The following SFI1 variants were observed in gnomAD, a reference collection of about 807,000 sequenced individuals.
The protein encoded by SFI1 is protein SFI1 homolog.
A neutral mutation model predicts 207.5 loss-of-function variants in SFI1; 195 were observed. The observed-to-expected ratio is 0.94, with a 90% CI of 0.84 to 1.06. SFI1 has a LOEUF of 1.06. Ranked by LOEUF, SFI1 falls within the 50% of genes least tolerant of loss-of-function variation. The pLI, the probability that SFI1 is intolerant of heterozygous loss-of-function variation, is 0.00. For missense variants in SFI1, 1,634 were observed against 1,588.0 expected (o/e 1.03, Z -0.49); for synonymous variants, 630 against 598.9 (o/e 1.05, Z -0.76).
chr22:31,528,816 C>T lies in SFI1; in HGVS notation c.219C>T (p.Gly73=). ...PSTSHLVQYR[G]THTCTRQGRL... is the part of the protein sequence containing the mutation. The stretch of plus-strand genomic sequence containing the variant: ...CCAGTCATCTAGTGCAGTATCGTGG[C>T]ACACATACTTGTACCCGACAGGGCC... Residue 73 remains glycine, a synonymous_variant, in exon 3 of 33, where the codon GGC becomes GGT. Coordinates refer to ENST00000400288, the MANE Select transcript of SFI1 (RefSeq NM_001007467.3). The T allele has an allele frequency of 6.2e-7, 1 of 1,614,114 alleles. No individual in the cohort carries two copies. The highest frequency in any genetic ancestry group is 8.5e-7 in the Non-Finnish European group (1 of 1,179,990).
At chr22:31,570,323 GTCCAAGATGACT>G (rs1480942777) in intron 8 of SFI1, among the ~76,000 whole-genome samples, 1 of 152,114 alleles carries the variant, frequency 6.6e-6, no homozygotes, top group African/African-American at 2.4e-5. Flanking sequence ...AAGTTTTAGC[GTCCAAGATGACT>G]TCCAAGTTTT....
intron 1 of SFI1, among the ~76,000 whole-genome samples, chr22:31,503,130 C>T (rs1309034915): frequency 1.3e-5 from 2 of 149,806 alleles, no homozygotes; most frequent in Non-Finnish European, 3.0e-5. Context: ...CTTGTGAGTT[C>T]AGGGGCTTCA....
intron 2 of SFI1, among the ~76,000 whole-genome samples, chr22:31,519,582 G>A (rs1481334128): frequency 4.6e-5 from 7 of 151,728 alleles, no homozygotes; most frequent in Admixed American, 3.3e-4. Context: ...GATTACAGGC[G>A]TGTGCCACCA....
Position 31,613,178 on chromosome 22 carries a change from C to A in SFI1, c.2527C>A (p.Arg843=), listed in dbSNP as rs367957589. 6.2e-7 allele frequency: 1 copy of A among 1,613,596 alleles called. No homozygotes were observed. The highest frequency in any genetic ancestry group is 1.3e-5 in the African/African-American group (1 of 74,952). The change falls in exon 25 of 33, where the codon CGG becomes AGG. Residue 843 remains arginine, a synonymous_variant. Transcript: ENST00000400288. Reference sequence around the variant, plus strand: ...GAGGCAGGAGCAGCGGGCGACAGTGCGGGCCCTGTGGTTCTGGGCCTTCTC... The same window carrying A: ...GAGGCAGGAGCAGCGGGCGACAGTGAGGGCCCTGTGGTTCTGGGCCTTCTC... ...ARRQEQRATV[R]ALWFWAFSLQ...
intron 15 of SFI1, among the ~76,000 whole-genome samples, chr22:31,595,419 A>T (rs1477839723): frequency 6.6e-6 from 1 of 152,244 alleles, no homozygotes; most frequent in Non-Finnish European, 1.5e-5. Flanking sequence ...TTCATTAATA[A>T]TTTCCTTTTC....
At chr22:31,574,827 C>T (rs1276520657) in intron 9 of SFI1, among the ~76,000 whole-genome samples, 6 of 152,020 alleles carry the variant, frequency 3.9e-5, no homozygotes, top group Admixed American at 1.3e-4. Context: ...GAGGCTGAGG[C>T]GGGCGGATCA....
rs573166089 is a variant in SFI1, at chr22:31,549,521, C to T, written c.450-733C>T. ...CTGAGACTACAGGCACATGCTACTA[C>T]GAGTGGCTAATTTTTATATTTTTAG... On this transcript the variant is annotated intron_variant, in intron 5 of 32. Coordinates refer to ENST00000400288, the MANE Select transcript of SFI1 (RefSeq NM_001007467.3). Among the ~76,000 whole-genome samples, 31 of 151,582 alleles carry T rather than the reference C, an allele frequency of 2.0e-4. 1 individual carries two copies. The highest frequency in any genetic ancestry group is 1.7e-3 in the Admixed American group (26 of 15,174).
intron 8 of SFI1, among the ~76,000 whole-genome samples, chr22:31,563,556 A>T (rs149205692): frequency 6.3e-4 from 95 of 150,828 alleles, no homozygotes; most frequent in African/African-American, 2.3e-3. Flanking sequence ...TGCTCAGAAC[A>T]TGTTTAGAAT....
intron 31 of SFI1, 148 bp downstream of exon 31, chr22:31,617,226 A>T (rs2071733861): frequency 1.3e-5 from 10 of 765,800 alleles, no homozygotes; most frequent in South Asian, 8.9e-5. Context: ...GGGAGCCCTC[A>T]GTGTGTGCTG....
At chr22:31,617,859 G>A (rs2072015191) in intron 31 of SFI1, among the ~76,000 whole-genome samples, 2 of 152,184 alleles carry the variant, frequency 1.3e-5, no homozygotes, top group South Asian at 4.1e-4. Flanking sequence ...CACAGGGGGA[G>A]AGAGACAAGG....
At chr22:31,571,890 A>G (rs1798372185) in intron 8 of SFI1, among the ~76,000 whole-genome samples, 1 of 151,994 alleles carries the variant, frequency 6.6e-6, no homozygotes, top group African/African-American at 2.4e-5. Context: ...TTTAGTTGTT[A>G]CATCTTGAAG....
At chr22:31,612,398 A>AAAAAAAAAAT (rs1556369798) in intron 24 of SFI1, 1 of 60,194 alleles carries the variant, frequency 1.7e-5, no homozygotes, top group African/African-American at 6.7e-5. Context: ...AAAAAAAAAA[A>AAAAAAAAAAT]ATATATATAT....
Position 31,589,438 on chromosome 22 carries a change from T to G in SFI1, c.1414-9T>G, listed in dbSNP as rs746714247. On this transcript the variant is annotated splice_polypyrimidine_tract_variant and intron_variant, in intron 14 of 32. Transcript: ENST00000400288. ...TTAAGTACAAAGGTTATTCATTCTT[T>G]TACTTTAGCTGCTACAGGCCAGAGC... is the stretch of plus-strand genomic sequence containing the variant. The G allele has an allele frequency of 2.5e-6, 4 of 1,588,828 alleles. No homozygotes were observed. The highest frequency in any genetic ancestry group is 3.4e-6 in the Non-Finnish European group (4 of 1,172,282).
At chr22:31,579,319 AT>A (rs1199595157) in intron 11 of SFI1, among the ~76,000 whole-genome samples, 4,919 of 143,464 alleles carry the variant, frequency 0.034, 93 homozygotes, top group South Asian at 0.072. Flanking sequence ...AATTTTTTAG[AT>A]TTTTTTTTTT....
intron 4 of SFI1, among the ~76,000 whole-genome samples, chr22:31,538,802 C>A (rs897038251): frequency 6.6e-6 from 1 of 152,118 alleles, no homozygotes; most frequent in African/African-American, 2.4e-5. Flanking sequence ...TCTTCCTCAT[C>A]TGAATATCCC....
At position 31,596,267 on chromosome 22, in the gene SFI1, C is replaced by G. The variant is rs967767687; in HGVS notation, c.1545-5945C>G. ...AGACTCCATCTCAAAATAAATATCTCTCTCTCTCTCTATCTATCTGTCTAT... is the reference window on the plus strand; with the variant it reads ...AGACTCCATCTCAAAATAAATATCTGTCTCTCTCTCTATCTATCTGTCTAT... On this transcript the variant is annotated intron_variant, in intron 15 of 32. Transcript: ENST00000400288. Among the ~76,000 whole-genome samples, 4 of 151,776 alleles carry G rather than the reference C, an allele frequency of 2.6e-5. No homozygotes were observed. In the East Asian group the frequency reaches 5.9e-4, roughly 22 times the overall value.
intron 14 of SFI1, 121 bp downstream of exon 14, chr22:31,585,255 G>A: frequency 1.3e-6 from 1 of 770,250 alleles, no homozygotes; most frequent in Non-Finnish European, 2.0e-6. Flanking sequence ...TGGAAGAGAG[G>A]GTGTTGAAAA....
intron 2 of SFI1, among the ~76,000 whole-genome samples, chr22:31,526,973 C>T (rs767610781): frequency 1.3e-4 from 20 of 152,088 alleles, no homozygotes; most frequent in South Asian, 1.0e-3. Flanking sequence ...CATGGCTCAC[C>T]GCAACCTCCG....
At chr22:31,611,571 A>G (rs1189197865) in intron 23 of SFI1, among the ~76,000 whole-genome samples, 195 bp from the exon 24 acceptor site, 1 of 152,198 alleles carries the variant, frequency 6.6e-6, no homozygotes, top group Non-Finnish European at 1.5e-5. Flanking sequence ...CCCGTGGCTT[A>G]TCAGTGCTGG....
Sources: allele counts gnomAD v4.1 joint callset (sites outside exome capture counted in the v4.1 genomes callset), GRCh38; gene constraint gnomAD v4.1.1; transcripts MANE v1.5; gene names NCBI Gene and HGNC (gene_info 2026-07-23, HGNC 2026-07-21).